NPHP4: variants seen among roughly 807,000 people sequenced by gnomAD.
The protein encoded by NPHP4 is nephrocystin-4.
A neutral mutation model predicts 155.8 loss-of-function variants in NPHP4; 151 were observed. That is an observed-to-expected ratio of 0.97 (90% CI 0.85 to 1.11). The LOEUF (loss-of-function observed/expected upper bound fraction) is 1.11. Ranked by LOEUF, NPHP4 falls within the 50% of genes least tolerant of loss-of-function variation. NPHP4 has a pLI of 0.00. For missense variants in NPHP4, 1,956 were observed against 1,925.7 expected, an observed-to-expected ratio of 1.02 and a Z score of -0.29; for synonymous variants, 845 against 816.8, an observed-to-expected ratio of 1.03 and a Z score of -0.59.
In NPHP4 at chr1:5,905,676, G is replaced by A. The variant is rs770403945; in HGVS notation, c.1719C>T (p.Phe573=). 1 of 1,613,960 alleles carries A rather than the reference G, an allele frequency of 6.2e-7. No homozygotes were observed. The highest frequency in any genetic ancestry group is 8.5e-7 in the Non-Finnish European group (1 of 1,179,864). ...SIAEQLQELP[F]TPLHAPIVVG... ...CAACAATAGGGGCATGCAAAGGCGT[G>A]AACGGCAGCTCCTGTAACTGTTCGG... Residue 573 remains phenylalanine, a synonymous_variant, in exon 14 of 30, where the codon TTC becomes TTT. Transcript: ENST00000378156. The surrounding 1 kb of genome is among the most constrained non-coding windows in gnomAD (Gnocchi z 4.0).
At position 5,864,496 on chromosome 1, in the gene NPHP4, C is replaced by A; in HGVS notation, c.3838G>T (p.Val1280Leu). The A allele has an allele frequency of 6.3e-7, 1 of 1,589,104 alleles. No homozygotes were observed. The highest frequency in any genetic ancestry group is 8.6e-7 in the Non-Finnish European group (1 of 1,166,750). ...ELKTDPKGVF[V>L]LPPRGVQDLH... ...TCCTGCACCCCACGAGGCGGCAGCA[C>A]GAAGACACCTTTGGGGTCTGTCTTC... is the stretch of plus-strand genomic sequence containing the variant. Residue 1280 changes from valine to leucine, a missense_variant, in exon 28 of 30, where the codon GTG (valine) becomes TTG (leucine). Transcript: ENST00000378156.
intron 29 of NPHP4, 126 bp downstream of exon 29, chr1:5,863,764 C>G: frequency 9.6e-7 from 1 of 1,043,328 alleles, no homozygotes; most frequent in South Asian, 1.4e-5. Context: ...TGGTACCTGT[C>G]ACCGCCCTGG....
chr1:5,989,271 G>A (rs1230076855), intron 1 of NPHP4, among the ~76,000 whole-genome samples: 1 of 152,176 alleles, frequency 6.6e-6, no homozygotes, highest in Non-Finnish European at 1.5e-5. Context: ...GAACAAATTT[G>A]TGCTACTTTT....
At chr1:5,988,858 C>T (rs1655854716) in intron 1 of NPHP4, among the ~76,000 whole-genome samples, 2 of 152,208 alleles carry the variant, frequency 1.3e-5, no homozygotes, top group South Asian at 2.1e-4. Flanking sequence ...GCCCAGCGTC[C>T]CGCCTCCACC....
rs1181961299 is a variant in NPHP4, at chr1:5,892,897, G to A, written c.2144-1869C>T. The stretch of plus-strand genomic sequence containing the variant: ...CCTGCACCCCCTTCACAAACACCAC[G>A]CCCCAGCCCGGCTGGAATCCTCACT... On this transcript the variant is annotated intron_variant, in intron 16 of 29. Coordinates refer to ENST00000378156, the MANE Select transcript of NPHP4 (RefSeq NM_015102.5). The surrounding 1 kb of genome is among the most constrained non-coding windows in gnomAD (Gnocchi z 4.5). Among the ~76,000 whole-genome samples, 2 of 152,084 alleles carry A rather than the reference G, an allele frequency of 1.3e-5. No homozygotes were observed. Among genetic ancestry groups the A allele is most frequent in the African/African-American group, 2.4e-5 (1 of 41,400 alleles).
intron 16 of NPHP4, among the ~76,000 whole-genome samples, chr1:5,897,144 T>C (rs1258720981): frequency 1.3e-5 from 2 of 152,126 alleles, no homozygotes; most frequent in Non-Finnish European, 2.9e-5. Flanking sequence ...TAACAAAGAA[T>C]GTGAGCTAAT....
At chr1:5,941,461 G>A (rs1646813285) in intron 9 of NPHP4, among the ~76,000 whole-genome samples, 1 of 151,946 alleles carries the variant, frequency 6.6e-6, no homozygotes, top group Admixed American at 6.6e-5. Flanking sequence ...ATGTTTTAAT[G>A]TTTACACAGC....
chr1:5,912,549 A>AAAAAAAG (rs796295333), intron 11 of NPHP4, among the ~76,000 whole-genome samples: 3 of 101,122 alleles, frequency 3.0e-5, no homozygotes, highest in African/African-American at 1.0e-4. Context: ...AAAAAAAAAA[A>AAAAAAAG]AAAAAAGAAA....
chr1:5,946,064 C>T (rs116526972), intron 9 of NPHP4, among the ~76,000 whole-genome samples: 4,020 of 152,226 alleles, frequency 0.026, 78 homozygotes, highest in Non-Finnish European at 0.041. Flanking sequence ...AAATATCTTA[C>T]CGTACCTAAT....
In NPHP4 at chr1:5,896,548, T is replaced by C. The variant is rs1214940493; in HGVS notation, c.2144-5520A>G. Among the ~76,000 whole-genome samples the C allele has an allele frequency of 5.9e-5, 9 of 152,272 alleles. No individual in the cohort carries two copies. The East Asian group carries it at 1.7e-3, about 29-fold the overall frequency. On this transcript the variant is annotated intron_variant, in intron 16 of 29. Transcript: ENST00000378156. ...TTGTTAGGCAAGATAAATAAGTAAA[T>C]ACATGATGAGAAACCATGATTTTCT...
At position 5,863,321 on chromosome 1, in the gene NPHP4, T is replaced by C. The variant is rs923231614; in HGVS notation, c.4225A>G (p.Asn1409Asp). ...TCTTCGTTTTTGTCCTCATGGTCAT[T>C]GATGTAGATCAGGATCTCCTCCTCA... ...VGEEEILIYINDHEDKNEEAF... is the reference protein window; with the variant it reads ...VGEEEILIYIDDHEDKNEEAF... The change falls in exon 30 of 30, where the codon AAT becomes GAT. Residue 1409 changes from asparagine (N) to aspartate (D), a missense_variant. Coordinates refer to ENST00000378156, the MANE Select transcript of NPHP4 (RefSeq NM_015102.5). 1 of 1,614,034 alleles carries C rather than the reference T, an allele frequency of 6.2e-7. No homozygotes were observed. The highest frequency in any genetic ancestry group is 1.6e-4 in the Middle Eastern group (1 of 6,062).
At chr1:5,930,387 A>G (rs1296923978) in intron 10 of NPHP4, among the ~76,000 whole-genome samples, 1 of 152,176 alleles carries the variant, frequency 6.6e-6, no homozygotes, top group Non-Finnish European at 1.5e-5. Flanking sequence ...CAAAGATCAG[A>G]TCACTGAATT....
At chr1:5,917,121 T>C (rs1405227173) in intron 11 of NPHP4, among the ~76,000 whole-genome samples, 2 of 152,144 alleles carry the variant, frequency 1.3e-5, no homozygotes, top group Non-Finnish European at 2.9e-5. Context: ...TCTCTTCTGG[T>C]GGTTTTCCTT....
intron 27 of NPHP4, 40 bp downstream of exon 27, chr1:5,865,062 G>T: frequency 6.3e-7 from 1 of 1,599,104 alleles, no homozygotes; most frequent in Non-Finnish European, 8.6e-7. Context: ...CCAGGCTGGG[G>T]TTGGGGAGAG....
chr1:5,909,202 G>A lies in NPHP4; in HGVS notation c.1453C>T (p.Pro485Ser). ...PPTSPSSPPAPVPRVLAAPQN... is the reference protein window; with the variant it reads ...PPTSPSSPPASVPRVLAAPQN... ...GGGGCAGCGAGAACTCGAGGTACTG[G>A]CGCTGGCGGGCCTGGGAGGAAGCAC... The change falls in exon 12 of 30, where the codon CCA becomes TCA. Residue 485 changes from proline (P) to serine (S), a missense_variant. Pro to Ser is a moderately conservative substitution (Grantham distance 74). Coordinates refer to ENST00000378156, the MANE Select transcript of NPHP4 (RefSeq NM_015102.5). The A allele has an allele frequency of 6.2e-7, 1 of 1,603,108 alleles. No homozygotes were observed. Among genetic ancestry groups the A allele is most frequent in the Non-Finnish European group, 8.5e-7 (1 of 1,175,234 alleles).
chr1:5,874,399 A>G, intron 22 of NPHP4, 72 bp downstream of exon 22: 1 of 1,358,952 alleles, frequency 7.4e-7, no homozygotes, highest in Non-Finnish European at 9.9e-7. Flanking sequence ...ACACTGGTGG[A>G]GACTGGAAGC....
At position 5,961,769 on chromosome 1, in the gene NPHP4, T is replaced by C. The variant is rs112425983; in HGVS notation, c.673+25A>G. ...ACTAGGACAGACTCACCTCACCAAG[T>C]GGAGAGAATCAAAGACGCCCTTACC... On this transcript the variant is annotated intron_variant, in intron 6 of 29. Coordinates refer to ENST00000378156, the MANE Select transcript of NPHP4 (RefSeq NM_015102.5). 4.9e-5 allele frequency: 79 copies of C among 1,601,074 alleles called. 1 individual carries two copies. The highest frequency in any genetic ancestry group is 2.8e-4 in the African/African-American group (21 of 74,700).
Position 5,967,243 on chromosome 1 carries a change from C to T in NPHP4, c.517+56G>A, listed in dbSNP as rs1215639427. Reference sequence around the variant, plus strand: ...CCCATTCAGAGCTAAAGGTGGGGAACACTCAGGGAAGGCACGAGAGCAGTG... The same window carrying T: ...CCCATTCAGAGCTAAAGGTGGGGAATACTCAGGGAAGGCACGAGAGCAGTG... On this transcript the variant is annotated intron_variant, in intron 5 of 29. Transcript: ENST00000378156. 3.0e-6 allele frequency: 4 copies of T among 1,316,966 alleles called. No homozygotes were observed. The Admixed American group carries it at 5.8e-5, about 19-fold the overall frequency. 81.6% of individuals were successfully genotyped at this position (1,316,966 alleles called of 1,614,324 possible). A position where few individuals can be genotyped will look rare whatever the true frequency, so the allele number is the denominator to read the frequency against.
rs1351211858 is a variant in NPHP4 at position 5,944,938 on chromosome 1, G to A, written c.1119+2166C>T. On this transcript the variant is annotated intron_variant, in intron 9 of 29. Coordinates refer to ENST00000378156, the MANE Select transcript of NPHP4 (RefSeq NM_015102.5). This position sits in a 1 kb window ranked among gnomAD's most constrained non-coding sequence, Gnocchi z 4.3. ...TGAGCCGAGATCGCGCCACTGAGGG[G>A]CGACAGAGTGAGACTCTGTCTCGAA... Among the ~76,000 whole-genome samples the A allele has an allele frequency of 6.6e-6, 1 of 152,148 alleles. No homozygotes were observed. Among genetic ancestry groups the A allele is most frequent in the Non-Finnish European group, 1.5e-5 (1 of 68,020 alleles).
Sources: allele counts gnomAD v4.1 joint callset (sites outside exome capture counted in the v4.1 genomes callset), GRCh38; gene constraint gnomAD v4.1.1; non-coding constraint Gnocchi (gnomAD v3.1); transcripts MANE v1.5; gene names NCBI Gene and HGNC (gene_info 2026-07-23, HGNC 2026-07-21).